The following RANBP2 variants were observed in gnomAD, a reference collection of about 807,000 sequenced individuals.
RANBP2 encodes E3 SUMO-protein ligase RanBP2.
RANBP2 carries 57 observed loss-of-function variants against 303.6 expected under a neutral mutation model. The ratio of observed to expected loss-of-function variants is 0.19; its 90% CI spans 0.15 to 0.23. The LOEUF (loss-of-function observed/expected upper bound fraction) is 0.23, where lower values mean the gene tolerates loss of function less well. RANBP2 is among the 10% of genes least tolerant of loss of function. The pLI, the probability that RANBP2 is intolerant of heterozygous loss-of-function variation, is 1.00. For synonymous variants in RANBP2, 1,167 were observed against 1,301.5 expected (o/e 0.90, Z 2.23); for missense variants, 3,138 against 3,780.8 (o/e 0.83, Z 4.46).
chr2:109,456,542 G>A, the RANBP2 span, among the ~76,000 whole-genome samples: 2 of 152,224 alleles, frequency 1.3e-5, no homozygotes, highest in Non-Finnish European at 2.9e-5. Flanking sequence ...CAGTGGCCCA[G>A]CCTGGTCTGA....
rs1344495601 is a variant in RANBP2, at chr2:108,783,934, A to G, written c.*33A>G. 6 of 1,564,152 alleles carry G rather than the reference A, an allele frequency of 3.8e-6. No homozygotes were observed. The African/African-American group carries it at 6.8e-5, about 18-fold the overall frequency. On this transcript the variant is annotated 3_prime_UTR_variant, in exon 29 of 29. Transcript: ENST00000283195. ...GTTGTTCATAGAAAATTTCATCTGT[A>G]TAAGCAGTTGGATTGAAGCTTAGCT...
the RANBP2 span, among the ~76,000 whole-genome samples, chr2:109,338,280 G>A: frequency 8.5e-5 from 13 of 152,100 alleles, no homozygotes; most frequent in East Asian, 2.3e-3. Context: ...TTGCAGGTAC[G>A]GAAACTGAGG....
At chr2:109,252,341 G>T in the RANBP2 span, among the ~76,000 whole-genome samples, 1 of 152,128 alleles carries the variant, frequency 6.6e-6, no homozygotes, top group African/African-American at 2.4e-5. Context: ...CAGAAGCCGG[G>T]TTTATTTTTA....
the RANBP2 span, among the ~76,000 whole-genome samples, chr2:109,721,836 G>A: frequency 6.6e-6 from 1 of 152,176 alleles, no homozygotes; most frequent in African/African-American, 2.4e-5. Flanking sequence ...TCTCCTGAGC[G>A]AGCAGCCACC....
chr2:109,572,554 C>A, the RANBP2 span, among the ~76,000 whole-genome samples: 1 of 151,122 alleles, frequency 6.6e-6, no homozygotes, highest in Non-Finnish European at 1.5e-5. Flanking sequence ...CCTAACCCCT[C>A]TTGACTGCCT....
chr2:109,269,557 G>T, the RANBP2 span, among the ~76,000 whole-genome samples: 1 of 152,178 alleles, frequency 6.6e-6, no homozygotes, highest in African/African-American at 2.4e-5. Context: ...AAGTCTGGTG[G>T]ATCACTTGAG....
At chr2:108,917,498 G>A in the RANBP2 span, among the ~76,000 whole-genome samples, 1 of 152,156 alleles carries the variant, frequency 6.6e-6, no homozygotes, top group Middle Eastern at 3.2e-3. Context: ...TTGTATACAT[G>A]TATGGAAATT....
the RANBP2 span, among the ~76,000 whole-genome samples, chr2:109,003,026 T>G: frequency 6.6e-6 from 1 of 151,762 alleles, no homozygotes; most frequent in Non-Finnish European, 1.5e-5. Flanking sequence ...GCCAATATGG[T>G]GAAACCCCGT....
At chr2:109,144,576 T>C in the RANBP2 span, among the ~76,000 whole-genome samples, 1 of 152,254 alleles carries the variant, frequency 6.6e-6, no homozygotes, top group Non-Finnish European at 1.5e-5. Context: ...CAAGCAGCGT[T>C]GGGAAAATTG....
the RANBP2 span, among the ~76,000 whole-genome samples, chr2:109,685,511 C>T: frequency 2.6e-5 from 4 of 152,208 alleles, no homozygotes; most frequent in Non-Finnish European, 5.9e-5. Flanking sequence ...GACGCAAAAG[C>T]TGTTTTCTGA....
chr2:109,405,063 C>G, the RANBP2 span, among the ~76,000 whole-genome samples: 1 of 151,490 alleles, frequency 6.6e-6, no homozygotes, highest in Non-Finnish European at 1.5e-5. Flanking sequence ...AAATACCCCC[C>G]ACCTTCTCTT....
At chr2:109,253,696 G>A in the RANBP2 span, among the ~76,000 whole-genome samples, 2 of 152,058 alleles carry the variant, frequency 1.3e-5, no homozygotes, top group African/African-American at 4.8e-5. Flanking sequence ...TTGGCTGTCT[G>A]GAAAATAGAA....
the RANBP2 span, among the ~76,000 whole-genome samples, chr2:109,714,621 A>AT: frequency 2.7e-5 from 4 of 147,682 alleles, no homozygotes; most frequent in Admixed American, 2.0e-4. Flanking sequence ...TTTATTTTTT[A>AT]TTTTTTTTGA....
chr2:109,078,113 T>TGC, the RANBP2 span, among the ~76,000 whole-genome samples: 10 of 86,114 alleles, frequency 1.2e-4, no homozygotes, highest in Non-Finnish European at 2.2e-4. Flanking sequence ...TATATATATA[T>TGC]ATATAGCGTG....
At chr2:109,173,301 T>TG in the RANBP2 span, among the ~76,000 whole-genome samples, 1 of 152,160 alleles carries the variant, frequency 6.6e-6, no homozygotes, top group Non-Finnish European at 1.5e-5. Flanking sequence ...AGCCTGCACT[T>TG]GCGTTTTCTC....
chr2:108,855,664 C>T, the RANBP2 span, among the ~76,000 whole-genome samples: 1 of 152,120 alleles, frequency 6.6e-6, no homozygotes, highest in African/African-American at 2.4e-5. Context: ...ATGGAGTGTA[C>T]TATAATTGAT....
the RANBP2 span, among the ~76,000 whole-genome samples, chr2:109,286,280 A>G: frequency 6.6e-6 from 1 of 152,308 alleles, no homozygotes; most frequent in East Asian, 1.9e-4. Flanking sequence ...CCTTATGATG[A>G]TGGAAAAGTG....
chr2:109,667,277 C>A, the RANBP2 span: 1 of 736,532 alleles, frequency 1.4e-6, no homozygotes, highest in Non-Finnish European at 2.4e-6. Flanking sequence ...CCATCATAAG[C>A]AAGCCTCATG....
At chr2:109,675,507 C>T in the RANBP2 span, among the ~76,000 whole-genome samples, 1 of 152,134 alleles carries the variant, frequency 6.6e-6, no homozygotes, top group Non-Finnish European at 1.5e-5. Context: ...CATAGTGAAA[C>T]CCCGTCTCTA....
Sources: gnomAD v4.1 joint callset for allele counts (sites outside exome capture counted in the v4.1 genomes callset) on GRCh38, gnomAD v4.1.1 for gene constraint, MANE v1.5 for transcripts, NCBI Gene and HGNC (gene_info 2026-07-23, HGNC 2026-07-21) for gene names.